DIS3L2: variants seen among roughly 807,000 people sequenced by gnomAD.
DIS3L2 encodes DIS3-like exonuclease 2.
In DIS3L2, 34 loss-of-function variants were observed where a neutral mutation model predicts 97.5. The observed-to-expected ratio is 0.35, with a 90% CI of 0.27 to 0.46. The LOEUF is 0.46. Among genes scored for constraint, DIS3L2 ranks in the 20% least tolerant of loss-of-function variants. DIS3L2 has a pLI of 1.00. For synonymous variants in DIS3L2, 435 were observed against 445.2 expected (o/e 0.98, Z 0.29); for missense variants, 1,038 against 1,146.0 (o/e 0.91, Z 1.36).
At chr2:232,008,756 A>G (rs1033272305) in intron 1 of DIS3L2, among the ~76,000 whole-genome samples, 1 of 152,142 alleles carries the variant, frequency 6.6e-6, no homozygotes. Flanking sequence ...GCACATGTGG[A>G]CTTCCTTATT....
chr2:232,249,358 C>T lies in DIS3L2; in HGVS notation c.1425+12C>T, dbSNP rs375630013. 2 of 1,612,872 alleles carry T rather than the reference C, an allele frequency of 1.2e-6. No individual in the cohort carries two copies. The highest frequency in any genetic ancestry group is 1.3e-5 in the African/African-American group (1 of 74,944). Reference sequence around the variant, plus strand: ...CTCCAGAGGGCAAGGTAACAACTTACACGTTTTCTTTCTCCACTTACCTCT... The same window carrying T: ...CTCCAGAGGGCAAGGTAACAACTTATACGTTTTCTTTCTCCACTTACCTCT... On this transcript the variant is annotated intron_variant, in intron 12 of 20. Transcript: ENST00000325385.
chr2:232,044,055 T>A (rs1180080052), intron 5 of DIS3L2, among the ~76,000 whole-genome samples: 3 of 152,282 alleles, frequency 2.0e-5, no homozygotes, highest in South Asian at 4.1e-4. Flanking sequence ...GAGCTTAAAA[T>A]GCAAGCTAGG....
At chr2:232,025,597 G>T (rs187023690) in intron 4 of DIS3L2, among the ~76,000 whole-genome samples, 1 of 152,278 alleles carries the variant, frequency 6.6e-6, no homozygotes, top group African/African-American at 2.4e-5. Context: ...AACTTGAGTT[G>T]TAAAATTGGG....
At chr2:232,026,635 G>A (rs1201480361) in intron 4 of DIS3L2, among the ~76,000 whole-genome samples, 1 of 152,090 alleles carries the variant, frequency 6.6e-6, no homozygotes, top group African/African-American at 2.4e-5. Flanking sequence ...ATTTGGCCCT[G>A]TGAACTCCTT....
At chr2:232,216,843 C>T (rs1365031515) in intron 10 of DIS3L2, among the ~76,000 whole-genome samples, 3 of 148,032 alleles carry the variant, frequency 2.0e-5, no homozygotes, top group Non-Finnish European at 4.5e-5. Context: ...CCCCTCCCCT[C>T]CCCTCCCCTC....
rs1362917040 is a variant in DIS3L2 at position 232,292,305 on chromosome 2, A to C, written c.1660-7735A>C. 6.6e-6 allele frequency among the ~76,000 whole-genome samples: 1 copy of C among 152,182 alleles called. No homozygotes were observed. The highest frequency in any genetic ancestry group is 6.5e-5 in the Admixed American group (1 of 15,274). On this transcript the variant is annotated intron_variant, in intron 13 of 20. Transcript: ENST00000325385. The surrounding 1 kb of genome is among the most constrained non-coding windows in gnomAD (Gnocchi z 4.4). ...CCCTAAAGTGCCATCCCCAAGCAGC[A>C]ATAATCTGAGCAGCCTGAGGAAGCT...
At chr2:232,301,292 G>A (rs1224886155) in intron 14 of DIS3L2, among the ~76,000 whole-genome samples, 1 of 152,148 alleles carries the variant, frequency 6.6e-6, no homozygotes, top group African/African-American at 2.4e-5. Flanking sequence ...GAAAACAAGT[G>A]ACCCGTATTT....
intron 11 of DIS3L2, among the ~76,000 whole-genome samples, chr2:232,248,375 G>A (rs1367189598): frequency 1.3e-5 from 2 of 152,102 alleles, no homozygotes; most frequent in South Asian, 4.1e-4. Flanking sequence ...GAGGTGGGGT[G>A]GATGGTCCTG....
In DIS3L2 at chr2:232,005,170, A is replaced by ATTTTTT. The variant is rs55757645; in HGVS notation, c.-93-9649_-93-9644dup. Among the ~76,000 whole-genome samples, 51 of 126,530 alleles carry ATTTTTT rather than the reference A, an allele frequency of 4.0e-4. 2 individuals are homozygous for ATTTTTT. The highest frequency in any genetic ancestry group is 5.0e-4 in the African/African-American group (17 of 33,970). The allele number at this position is 126,530 out of a possible 152,430, so 83.0% of individuals were successfully genotyped here. On this transcript the variant is annotated intron_variant, in intron 1 of 20. Coordinates refer to ENST00000325385, the MANE Select transcript of DIS3L2 (RefSeq NM_152383.5). ...TGTTAAATTCCTTTGAAGAATCTTGATTTTTTTTTTTTTTTTTTTTTATTT... is the reference window on the plus strand; with the variant it reads ...TGTTAAATTCCTTTGAAGAATCTTGATTTTTTTTTTTTTTTTTTTTTTTTTTTATTT...
At chr2:232,086,922 C>T (rs1440751107) in intron 5 of DIS3L2, among the ~76,000 whole-genome samples, 4 of 151,688 alleles carry the variant, frequency 2.6e-5, no homozygotes, top group South Asian at 4.2e-4. Flanking sequence ...CCTCATGATC[C>T]GCCCGCCTCA....
intron 1 of DIS3L2, among the ~76,000 whole-genome samples, chr2:231,993,557 G>A (rs1018532444): frequency 5.3e-5 from 8 of 152,146 alleles, no homozygotes; most frequent in African/African-American, 1.9e-4. Flanking sequence ...ACTGAGGTCA[G>A]TAGTCCCCCA....
intron 8 of DIS3L2, among the ~76,000 whole-genome samples, chr2:232,139,698 G>A (rs1698458818): frequency 2.6e-5 from 4 of 152,168 alleles, no homozygotes; most frequent in Admixed American, 2.6e-4. Flanking sequence ...GGGAAATCCA[G>A]GATCATTTCT....
At chr2:232,236,235 C>T (rs1174054108) in intron 10 of DIS3L2, among the ~76,000 whole-genome samples, 2 of 152,044 alleles carry the variant, frequency 1.3e-5, no homozygotes, top group Non-Finnish European at 2.9e-5. Flanking sequence ...AGAATTATCC[C>T]CCAGTGAAGG....
intron 5 of DIS3L2, among the ~76,000 whole-genome samples, chr2:232,049,953 T>G (rs1695354064): frequency 6.6e-6 from 1 of 152,222 alleles, no homozygotes; most frequent in Non-Finnish European, 1.5e-5. Flanking sequence ...TGCTCCTGTT[T>G]CTTTTCCTTT....
At chr2:232,087,186 T>G (rs1696687030) in intron 5 of DIS3L2, among the ~76,000 whole-genome samples, 2 of 152,130 alleles carry the variant, frequency 1.3e-5, no homozygotes, top group Admixed American at 1.3e-4. Flanking sequence ...ATGGTACTAC[T>G]TCTGGTATTC....
chr2:232,155,727 A>G (rs985575058), intron 8 of DIS3L2, among the ~76,000 whole-genome samples: 9 of 152,294 alleles, frequency 5.9e-5, no homozygotes, highest in Admixed American at 3.3e-4. Context: ...GTGGTGGCTC[A>G]CGCCTGTAAT....
downstream of DIS3L2, among the ~76,000 whole-genome samples, chr2:232,340,135 G>A (rs1696073524): frequency 1.3e-5 from 2 of 152,214 alleles, no homozygotes; most frequent in African/African-American, 4.8e-5. Flanking sequence ...AGTCCACAAA[G>A]AGGCAAGAAA....
At position 232,303,781 on chromosome 2, in the gene DIS3L2, T is replaced by C. The variant is rs548182033; in HGVS notation, c.1739+3662T>C. Among the ~76,000 whole-genome samples, 8 of 152,290 alleles carry C rather than the reference T, an allele frequency of 5.3e-5. 1 individual carries two copies. The South Asian group carries it at 1.7e-3, about 32-fold the overall frequency. ...AGTTTTCTGCAACAGAGAAGAAGAA[T>C]GTGGCCCTCGGGTCCATGGGTGGTG... On this transcript the variant is annotated intron_variant, in intron 14 of 20. Transcript: ENST00000325385.
At chr2:232,001,014 G>A (rs901542894) in intron 1 of DIS3L2, among the ~76,000 whole-genome samples, 1 of 151,992 alleles carries the variant, frequency 6.6e-6, no homozygotes, top group Non-Finnish European at 1.5e-5. Flanking sequence ...TGTAATGAAC[G>A]TGGGAGTGCA....
Sources: allele counts gnomAD v4.1 joint callset (sites outside exome capture counted in the v4.1 genomes callset), GRCh38; gene constraint gnomAD v4.1.1; non-coding constraint Gnocchi (gnomAD v3.1); transcripts MANE v1.5; gene names NCBI Gene and HGNC (gene_info 2026-07-23, HGNC 2026-07-21).